SMOC1: variants seen among roughly 807,000 people sequenced by gnomAD.
The protein encoded by SMOC1 is SPARC related modular calcium binding 1, also known as SPARC-related modular calcium-binding protein 1.
In SMOC1, 22 loss-of-function variants were observed where a neutral mutation model predicts 56.3. That is an observed-to-expected ratio of 0.39 (90% confidence interval 0.28 to 0.56). SMOC1 has a LOEUF of 0.56. SMOC1 is among the 20% of genes least tolerant of loss of function. The probability of loss-of-function intolerance (pLI) is 0.61; values close to 1 mark genes in which losing one functional copy is unlikely to be tolerated. For missense variants in SMOC1, 509 were observed against 565.4 expected (o/e 0.90, Z 1.01); for synonymous variants, 193 against 215.0 (o/e 0.90, Z 0.89).
intron 1 of SMOC1, among the ~76,000 whole-genome samples, chr14:69,896,538 G>T (rs1884104027): frequency 6.6e-6 from 1 of 152,134 alleles, no homozygotes; most frequent in Admixed American, 6.5e-5. Context: ...AAATATGAGA[G>T]ATCCCTGTAA....
At chr14:69,952,688 G>T (rs1442957576) in intron 2 of SMOC1, among the ~76,000 whole-genome samples, 1 of 152,158 alleles carries the variant, frequency 6.6e-6, no homozygotes, top group African/African-American at 2.4e-5. Flanking sequence ...AAAAACATTT[G>T]GGATAACATT....
chr14:69,984,693 A>G (rs1884301196), intron 5 of SMOC1, among the ~76,000 whole-genome samples: 1 of 151,830 alleles, frequency 6.6e-6, no homozygotes, highest in East Asian at 1.9e-4. Context: ...AAAAAAAAAA[A>G]AAAATACAAA....
In SMOC1 at chr14:69,958,834, C is replaced by A. The variant is rs189699782; in HGVS notation, c.378+5302C>A. Among the ~76,000 whole-genome samples the A allele has an allele frequency of 2.0e-5, 3 of 152,294 alleles. 1 individual carries two copies. Among genetic ancestry groups the A allele is most frequent in the South Asian group, 4.1e-4 (2 of 4,822 alleles). On this transcript the variant is annotated intron_variant, in intron 3 of 11. Coordinates refer to ENST00000361956, the MANE Select transcript of SMOC1 (RefSeq NM_001034852.3). ...AAAATTGCTTAAACAAATGACATAG[C>A]CACACTATGCAACCTCCAAACGCAT... is the stretch of plus-strand genomic sequence containing the variant.
intron 1 of SMOC1, among the ~76,000 whole-genome samples, chr14:69,888,750 A>G (rs559121872): frequency 1.7e-4 from 26 of 152,224 alleles, no homozygotes; most frequent in African/African-American, 6.3e-4. Flanking sequence ...TTAGAACTAG[A>G]TATGCATTCT....
intron 7 of SMOC1, among the ~76,000 whole-genome samples, chr14:70,010,399 C>T (rs1885294703): frequency 6.6e-6 from 1 of 152,252 alleles, no homozygotes; most frequent in South Asian, 2.1e-4. Context: ...GACAGAACAT[C>T]AGCAGGAGCC....
intron 1 of SMOC1, among the ~76,000 whole-genome samples, chr14:69,881,877 C>G (rs1356323026): frequency 6.6e-6 from 1 of 152,178 alleles, no homozygotes; most frequent in Non-Finnish European, 1.5e-5. Context: ...AGCCATTTTA[C>G]AGATGACAAA....
At chr14:69,953,258 G>A (rs1409815215) in intron 2 of SMOC1, among the ~76,000 whole-genome samples, 162 bp from the exon 3 acceptor site, 1 of 152,216 alleles carries the variant, frequency 6.6e-6, no homozygotes, top group Admixed American at 6.5e-5. Context: ...GGGGAAGGGG[G>A]GCTGTGCAGC....
intron 11 of SMOC1, among the ~76,000 whole-genome samples, chr14:70,023,807 G>T (rs1171710965): frequency 6.7e-6 from 1 of 149,196 alleles, no homozygotes; most frequent in African/African-American, 2.5e-5. Context: ...GTTGTAGGGT[G>T]TGTGTGTGTG....
chr14:69,947,718 T>C (rs894981377), intron 1 of SMOC1, among the ~76,000 whole-genome samples: 7 of 152,200 alleles, frequency 4.6e-5, no homozygotes, highest in Admixed American at 2.6e-4. Context: ...TCTAGCCACA[T>C]GTGGTCGTTT....
intron 2 of SMOC1, 134 bp downstream of exon 2, chr14:69,952,437 A>T: frequency 9.7e-7 from 1 of 1,033,056 alleles, no homozygotes; most frequent in Non-Finnish European, 1.4e-6. Flanking sequence ...CACCCCTTCC[A>T]CCAGGGCCAA....
intron 5 of SMOC1, among the ~76,000 whole-genome samples, chr14:69,985,527 T>C (rs1884334478): frequency 6.6e-6 from 1 of 152,220 alleles, no homozygotes; most frequent in Non-Finnish European, 1.5e-5. Context: ...TGAAACAAAC[T>C]GTGGCACAGT....
chr14:70,009,805 G>A (rs1044277524), intron 7 of SMOC1, among the ~76,000 whole-genome samples: 2 of 152,046 alleles, frequency 1.3e-5, no homozygotes, highest in Non-Finnish European at 2.9e-5. Context: ...AGGATTATAG[G>A]TTTTTCCACT....
At chr14:69,888,456 G>A (rs1182268636) in intron 1 of SMOC1, among the ~76,000 whole-genome samples, 1 of 152,154 alleles carries the variant, frequency 6.6e-6, no homozygotes, top group Admixed American at 6.5e-5. Flanking sequence ...TCAGAATGGG[G>A]CAGCCTCTCT....
At chr14:69,947,128 C>CCTTG (rs765332857) in intron 1 of SMOC1, among the ~76,000 whole-genome samples, 6 of 149,654 alleles carry the variant, frequency 4.0e-5, no homozygotes, top group African/African-American at 1.2e-4. Context: ...TTCCTTCCTT[C>CCTTG]CCTCCCTCCC....
At chr14:69,950,464 G>C (rs1882951213) in intron 1 of SMOC1, among the ~76,000 whole-genome samples, 1 of 152,222 alleles carries the variant, frequency 6.6e-6, no homozygotes, top group Non-Finnish European at 1.5e-5. Flanking sequence ...AAATACATTA[G>C]AGACAGAGCT....
intron 3 of SMOC1, among the ~76,000 whole-genome samples, chr14:69,969,010 G>A (rs1224815771): frequency 6.6e-6 from 1 of 152,202 alleles, no homozygotes; most frequent in South Asian, 2.1e-4. Context: ...TACATAGCTT[G>A]ACAAAGCATT....
chr14:70,016,483 G>A (rs1052087980), intron 10 of SMOC1, among the ~76,000 whole-genome samples: 5 of 152,194 alleles, frequency 3.3e-5, no homozygotes, highest in Admixed American at 2.6e-4. Flanking sequence ...TCAAGAAATA[G>A]TTTAGAAATC....
intron 1 of SMOC1, among the ~76,000 whole-genome samples, chr14:69,909,358 A>G (rs569652658): frequency 1.3e-5 from 2 of 152,322 alleles, no homozygotes; most frequent in South Asian, 2.1e-4. Flanking sequence ...GATAGCAGGA[A>G]TTGGCTGAGC....
chr14:69,975,826 A>T lies in SMOC1; in HGVS notation c.478+12A>T. Reference sequence around the variant, plus strand: ...TCCTGTATGTTCAGGTACCGTAGGGAGGGGCGGGAAGAATGAAAAGGGTTG... The same window carrying T: ...TCCTGTATGTTCAGGTACCGTAGGGTGGGGCGGGAAGAATGAAAAGGGTTG... On this transcript the variant is annotated intron_variant, in intron 4 of 11. Transcript: ENST00000361956. The T allele has an allele frequency of 1.3e-6, 2 of 1,578,742 alleles. No homozygotes were observed. The highest frequency in any genetic ancestry group is 1.7e-6 in the Non-Finnish European group (2 of 1,149,878).
Sources: gnomAD v4.1 joint callset for allele counts (sites outside exome capture counted in the v4.1 genomes callset) on GRCh38, gnomAD v4.1.1 for gene constraint, MANE v1.5 for transcripts, NCBI Gene and HGNC (gene_info 2026-07-23, HGNC 2026-07-21) for gene names.